The following PXYLP1 variants were observed in gnomAD, a reference collection of about 807,000 sequenced individuals.
PXYLP1 encodes acid phosphatase-like 2.
PXYLP1 carries 17 observed loss-of-function variants against 37.9 expected under a neutral mutation model. The observed-to-expected ratio is 0.45, with a 90% CI of 0.31 to 0.67. The LOEUF (loss-of-function observed/expected upper bound fraction) is 0.67. PXYLP1 is among the 30% of genes least tolerant of loss of function. PXYLP1 has a pLI of 0.07. For missense variants in PXYLP1, 511 were observed against 612.0 expected, an observed-to-expected ratio of 0.84 and a Z score of 1.74; for synonymous variants, 221 against 232.2, an observed-to-expected ratio of 0.95 and a Z score of 0.44.
intron 2 of PXYLP1, 139 bp downstream of exon 2, chr3:141,260,393 C>T (rs1941364230): frequency 9.2e-6 from 9 of 977,474 alleles, no homozygotes; most frequent in Admixed American, 2.8e-5. Context: ...TCACAGTGGC[C>T]GGTTGCAAGG....
intron 2 of PXYLP1, among the ~76,000 whole-genome samples, chr3:141,270,335 C>G (rs1941630269): frequency 1.3e-5 from 2 of 152,218 alleles, no homozygotes; most frequent in South Asian, 4.1e-4. Context: ...TGACTTTTCC[C>G]ATTTCACCTG....
At chr3:141,278,980 T>C (rs1395857603) in intron 3 of PXYLP1, among the ~76,000 whole-genome samples, 1 of 152,250 alleles carries the variant, frequency 6.6e-6, no homozygotes, top group African/African-American at 2.4e-5. Context: ...TGAATCCTTA[T>C]TGATCTCTTT....
At chr3:141,280,211 G>C (rs556074228) in intron 4 of PXYLP1, among the ~76,000 whole-genome samples, 1 of 152,282 alleles carries the variant, frequency 6.6e-6, no homozygotes, top group African/African-American at 2.4e-5. Flanking sequence ...GAGGTCAGGA[G>C]ATGAAGTGCT....
chr3:141,290,729 G>C (rs1433580558), intron 5 of PXYLP1, among the ~76,000 whole-genome samples: 1 of 152,174 alleles, frequency 6.6e-6, no homozygotes, highest in African/African-American at 2.4e-5. Flanking sequence ...ATGGGGTCTT[G>C]GGTTTTAGCT....
chr3:141,274,458 A>G (rs1941742911), intron 2 of PXYLP1: 1 of 1,501,198 alleles, frequency 6.7e-7, no homozygotes, highest in Non-Finnish European at 8.9e-7. Context: ...CCCTCCACAC[A>G]GCCAGCTTCA....
intron 1 of PXYLP1, among the ~76,000 whole-genome samples, chr3:141,242,294 G>A (rs1359029983): frequency 6.6e-6 from 1 of 152,174 alleles, no homozygotes; most frequent in Non-Finnish European, 1.5e-5. Flanking sequence ...GGCCTGATTA[G>A]AGGGGCTGAG....
chr3:141,291,578 C>G (rs1212695691), intron 5 of PXYLP1: 1 of 152,168 alleles, frequency 6.6e-6, no homozygotes, highest in Non-Finnish European at 1.5e-5. Context: ...CCCTCTCTTT[C>G]TTTTTAAAGG....
At chr3:141,285,132 CT>C (rs1474911366) in intron 4 of PXYLP1, among the ~76,000 whole-genome samples, 1 of 83,828 alleles carries the variant, frequency 1.2e-5, no homozygotes, top group Non-Finnish European at 2.3e-5. Context: ...TGTTTTTTTT[CT>C]TTTTCTTTTT....
At chr3:141,289,170 G>A (rs1478735373) in intron 5 of PXYLP1, among the ~76,000 whole-genome samples, 1 of 152,038 alleles carries the variant, frequency 6.6e-6, no homozygotes, top group Non-Finnish European at 1.5e-5. Flanking sequence ...TGGTTTTTCT[G>A]AAGTTCTGAT....
intron 2 of PXYLP1, 107 bp downstream of exon 2, chr3:141,260,361 G>T: frequency 1.5e-6 from 2 of 1,313,442 alleles, no homozygotes; most frequent in Admixed American, 2.5e-5. Context: ...TGAAGACAAC[G>T]AAGTCTTTTT....
At chr3:141,257,706 A>C (rs946469583) in intron 1 of PXYLP1, among the ~76,000 whole-genome samples, 2 of 152,092 alleles carry the variant, frequency 1.3e-5, no homozygotes, top group Non-Finnish European at 2.9e-5. Flanking sequence ...GTTCGAGACC[A>C]GCCTGGCCAA....
chr3:141,279,843 G>A (rs13088065), intron 4 of PXYLP1, among the ~76,000 whole-genome samples: 77,723 of 152,120 alleles, frequency 0.51, 21,086 homozygotes, highest in South Asian at 0.61. Flanking sequence ...TCAGAGCAGC[G>A]GGCAAGCCCC....
chr3:141,236,006 A>G (rs1424601287), intron 1 of PXYLP1, among the ~76,000 whole-genome samples: 1 of 152,216 alleles, frequency 6.6e-6, no homozygotes, highest in Non-Finnish European at 1.5e-5. Context: ...TTAATGATTA[A>G]AAAGGCATGG....
intron 4 of PXYLP1, 49 bp from the exon 5 acceptor site, chr3:141,287,265 G>A (rs767297511): frequency 1.3e-6 from 2 of 1,590,954 alleles, no homozygotes; most frequent in Admixed American, 3.4e-5. Context: ...AAACTGTTTG[G>A]ATTCTTGTGG....
At position 141,278,332 on chromosome 3, in the gene PXYLP1, T is replaced by G. The variant is rs775649449; in HGVS notation, c.80-10T>G. The G allele has an allele frequency of 6.2e-7, 1 of 1,614,134 alleles. No homozygotes were observed. Among genetic ancestry groups the G allele is most frequent in the Admixed American group, 1.7e-5 (1 of 60,028 alleles). On this transcript the variant is annotated splice_polypyrimidine_tract_variant and intron_variant, in intron 2 of 5. Transcript: ENST00000286353. ...AACTGTGCGTCACAACCTGCCTTAC[T>G]TCGTTTCAGTCCACCTGATCCCGGT...
chr3:141,268,216 T>A (rs983694411), intron 2 of PXYLP1, among the ~76,000 whole-genome samples: 309 of 144,474 alleles, frequency 2.1e-3, no homozygotes, highest in East Asian at 9.8e-3. Flanking sequence ...AGTGTGTGTG[T>A]GTGTGTGTGT....
chr3:141,284,067 C>T (rs576678419), intron 4 of PXYLP1, among the ~76,000 whole-genome samples: 1 of 152,028 alleles, frequency 6.6e-6, no homozygotes, highest in Non-Finnish European at 1.5e-5. Flanking sequence ...ATAATTATGT[C>T]TGCATTAGTC....
chr3:141,278,626 T>G, intron 3 of PXYLP1, 126 bp downstream of exon 3: 1 of 1,207,680 alleles, frequency 8.3e-7, no homozygotes, highest in Admixed American at 2.3e-5. Context: ...GGCTGTGCCC[T>G]TGAATGAGTT....
At chr3:141,243,598 G>T (rs1289995364) in intron 1 of PXYLP1, among the ~76,000 whole-genome samples, 1 of 152,166 alleles carries the variant, frequency 6.6e-6, no homozygotes, top group South Asian at 2.1e-4. Flanking sequence ...CCTCTTTCAC[G>T]CAGCCCTCTC....
Sources: gnomAD v4.1 joint callset for allele counts (sites outside exome capture counted in the v4.1 genomes callset) on GRCh38, gnomAD v4.1.1 for gene constraint, MANE v1.5 for transcripts, NCBI Gene and HGNC (gene_info 2026-07-23, HGNC 2026-07-21) for gene names.